The following POU3F3 variants were observed in gnomAD, a reference collection of about 807,000 sequenced individuals.
The protein encoded by POU3F3 is POU class 3 homeobox 3.
POU3F3 carries 1 observed loss-of-function variant against 8.6 expected under a neutral mutation model. The observed-to-expected ratio is 0.12, with a 90% CI of 0.04 to 0.55. The LOEUF is 0.55. Among genes scored for constraint, POU3F3 ranks in the 20% least tolerant of loss-of-function variants. The pLI, the probability that POU3F3 is intolerant of heterozygous loss-of-function variation, is 0.91. For synonymous variants in POU3F3, 418 were observed against 327.4 expected (o/e 1.28, Z -2.99); for missense variants, 577 against 690.7 (o/e 0.84, Z 1.84).
chr2:104,866,241 CA>C, the POU3F3 span: 1 of 152,168 alleles, frequency 6.6e-6, no homozygotes, highest in Non-Finnish European at 1.5e-5. Flanking sequence ...GGTGGACACT[CA>C]AAGGCACGGA....
At chr2:104,902,409 C>T in the POU3F3 span, among the ~76,000 whole-genome samples, 1 of 152,114 alleles carries the variant, frequency 6.6e-6, no homozygotes, top group Non-Finnish European at 1.5e-5. Context: ...TCCCGAGACT[C>T]GGGGGAATCA....
chr2:104,872,656 G>A, the POU3F3 span: 19 of 272,050 alleles, frequency 7.0e-5, no homozygotes, highest in Non-Finnish European at 1.3e-4. The surrounding 1 kb of genome is among the most constrained non-coding windows in gnomAD (Gnocchi z 4.6). Context: ...CCGCCCCGCC[G>A]GCCCGCGTGC....
chr2:104,856,310 T>C lies in POU3F3; in HGVS notation c.800T>C (p.Leu267Pro). Reference protein sequence around the residue: ...PGLVRGDTPELAEHHHHHHHH... With the variant: ...PGLVRGDTPEPAEHHHHHHHH... ...CTGGTGCGCGGGGACACGCCAGAGC[T>C]GGCCGAGCACCACCACCACCACCAC... Residue 267 changes from leucine to proline, a missense_variant, in exon 1 of 1, where the codon CTG becomes CCG. Transcript: ENST00000361360. 6.7e-7 allele frequency: 1 copy of C among 1,502,236 alleles called. No individual in the cohort carries two copies. The highest frequency in any genetic ancestry group is 8.8e-7 in the Non-Finnish European group (1 of 1,132,608). The allele number at this position is 1,502,236 out of a possible 1,614,324, so 93.1% of individuals were successfully genotyped here.
chr2:104,900,876 G>A, the POU3F3 span, among the ~76,000 whole-genome samples: 1 of 152,180 alleles, frequency 6.6e-6, no homozygotes. Context: ...TGAAAAATGG[G>A]CTCGGATGTT....
At chr2:104,897,868 C>T in the POU3F3 span, among the ~76,000 whole-genome samples, 1 of 152,182 alleles carries the variant, frequency 6.6e-6, no homozygotes, top group East Asian at 1.9e-4. Flanking sequence ...CCAAGAAAGG[C>T]TTTCTTTCTA....
At chr2:104,917,656 T>C in the POU3F3 span, among the ~76,000 whole-genome samples, 6 of 152,140 alleles carry the variant, frequency 3.9e-5, no homozygotes, top group African/African-American at 1.4e-4. Context: ...GGAAGGTCAG[T>C]GTCTTCATGA....
rs570079042 is a variant in POU3F3 at position 104,857,525 on chromosome 2, T to C, written c.*512T>C. 3 of 153,628 alleles carry C rather than the reference T, an allele frequency of 2.0e-5. No individual in the cohort carries two copies. In the South Asian group the frequency reaches 6.2e-4, roughly 32 times the overall value. The allele number at this position is 153,628 out of a possible 1,614,324, so 9.5% of individuals were successfully genotyped here. A position where few individuals can be genotyped will look rare whatever the true frequency, so the allele number is the denominator to read the frequency against. ...AGCACCTGCCTCGTCTTCTCCTCTT[T>C]GAAAAAAAGAGAGAGAGAGAGTCCC... On this transcript the variant is annotated 3_prime_UTR_variant, in exon 1 of 1. Coordinates refer to ENST00000361360, the MANE Select transcript of POU3F3 (RefSeq NM_006236.3).
chr2:104,898,657 TAA>T, the POU3F3 span, among the ~76,000 whole-genome samples: 3 of 152,234 alleles, frequency 2.0e-5, no homozygotes, highest in Non-Finnish European at 4.4e-5. Flanking sequence ...AATGTACAGA[TAA>T]AAAGTGTTTT....
chr2:104,897,555 G>T, the POU3F3 span, among the ~76,000 whole-genome samples: 3 of 152,176 alleles, frequency 2.0e-5, no homozygotes, highest in Non-Finnish European at 4.4e-5. Flanking sequence ...AGCCCACTTA[G>T]TGGTGAGTGG....
At position 104,854,507 on chromosome 2, in the gene POU3F3, A is replaced by T. The variant is rs1281091050; in HGVS notation, c.-1004A>T. 6.6e-6 allele frequency among the ~76,000 whole-genome samples: 1 copy of T among 151,954 alleles called. No individual in the cohort carries two copies. The highest frequency in any genetic ancestry group is 2.4e-5 in the African/African-American group (1 of 41,352). ...CAAGGTAACAGAGCGATTCGACATC[A>T]TTTTTTTTCCTGTTCAATTTTTTCC... On this transcript the variant is annotated 5_prime_UTR_variant, in exon 1 of 1. Coordinates refer to ENST00000361360, the MANE Select transcript of POU3F3 (RefSeq NM_006236.3). The surrounding 1 kb of genome is among the most constrained non-coding windows in gnomAD (Gnocchi z 4.5).
In POU3F3 at chr2:104,856,322, A is replaced by G. The variant is rs928727740; in HGVS notation, c.812A>G (p.His271Arg). ...GACACGCCAGAGCTGGCCGAGCACCACCACCACCACCACCACCACGCGCAT... is the reference window on the plus strand; with the variant it reads ...GACACGCCAGAGCTGGCCGAGCACCGCCACCACCACCACCACCACGCGCAT... ...RGDTPELAEH[H>R]HHHHHHAHPH... Residue 271 changes from histidine (H) to arginine (R), a missense_variant, in exon 1 of 1, where the codon CAC becomes CGC. Coordinates refer to ENST00000361360, the MANE Select transcript of POU3F3 (RefSeq NM_006236.3). The G allele has an allele frequency of 1.6e-4, 239 of 1,503,014 alleles. No homozygotes were observed. Among genetic ancestry groups the G allele is most frequent in the Non-Finnish European group, 2.1e-4 (234 of 1,132,314 alleles). 93.1% of individuals were successfully genotyped at this position (1,503,014 alleles called of 1,614,324 possible).
At chr2:104,880,010 A>G in the POU3F3 span, among the ~76,000 whole-genome samples, 8 of 152,190 alleles carry the variant, frequency 5.3e-5, no homozygotes, top group Non-Finnish European at 1.2e-4. Context: ...TTTTGTGACT[A>G]TAGAGGGTGG....
chr2:104,883,368 A>G, the POU3F3 span, among the ~76,000 whole-genome samples: 1 of 152,244 alleles, frequency 6.6e-6, no homozygotes, highest in Non-Finnish European at 1.5e-5. Flanking sequence ...TAGAAGCCAC[A>G]CAATTACAGT....
the POU3F3 span, among the ~76,000 whole-genome samples, chr2:104,876,959 A>G: frequency 2.0e-5 from 3 of 152,138 alleles, no homozygotes; most frequent in African/African-American, 4.8e-5. Flanking sequence ...CCTCCCCTGT[A>G]ATTGCTCCAT....
the POU3F3 span, among the ~76,000 whole-genome samples, chr2:104,873,309 G>C: frequency 6.6e-6 from 1 of 152,186 alleles, no homozygotes; most frequent in African/African-American, 2.4e-5. Flanking sequence ...GGCTGCTTGA[G>C]CCCGCGGCCG....
chr2:104,853,723 C>A (rs1676488778), upstream of POU3F3: 1 of 152,264 alleles, frequency 6.6e-6, no homozygotes, highest in Non-Finnish European at 1.5e-5. Context: ...TTCTCTTCCC[C>A]CCTCTCGTCC....
the POU3F3 span, among the ~76,000 whole-genome samples, chr2:104,923,609 A>C: frequency 1.4e-4 from 22 of 152,336 alleles, no homozygotes; most frequent in African/African-American, 5.3e-4. Context: ...GTAATGCAAG[A>C]AATGAAGTAC....
chr2:104,903,473 T>C, the POU3F3 span, among the ~76,000 whole-genome samples: 4 of 152,226 alleles, frequency 2.6e-5, no homozygotes, highest in Admixed American at 2.0e-4. Flanking sequence ...CATCAATACA[T>C]GTAAACATGA....
chr2:104,897,904 A>T, the POU3F3 span, among the ~76,000 whole-genome samples: 2 of 152,228 alleles, frequency 1.3e-5, no homozygotes, highest in South Asian at 4.1e-4. Context: ...AGATTAAGAG[A>T]TAAGCTTGGC....
Sources: gnomAD v4.1 joint callset for allele counts (sites outside exome capture counted in the v4.1 genomes callset) on GRCh38, gnomAD v4.1.1 for gene constraint, Gnocchi (gnomAD v3.1) non-coding constraint, MANE v1.5 for transcripts, NCBI Gene and HGNC (gene_info 2026-07-23, HGNC 2026-07-21) for gene names.